The following KIF7 variants were observed in gnomAD, a reference collection of about 807,000 sequenced individuals.
KIF7 encodes the protein kinesin family member 7, also known as kinesin-like protein KIF7.
KIF7 carries 104 observed loss-of-function variants against 135.7 expected under a neutral mutation model. The observed-to-expected ratio is 0.77, with a 90% CI of 0.65 to 0.90. The LOEUF is 0.90. KIF7 is among the 40% of genes least tolerant of loss of function. The pLI is 0.00. For synonymous variants in KIF7, 883 were observed against 809.4 expected, an observed-to-expected ratio of 1.09 and a Z score of -1.54; for missense variants, 2,005 against 1,839.1, an observed-to-expected ratio of 1.09 and a Z score of -1.65.
intron 2 of KIF7, among the ~76,000 whole-genome samples, chr15:89,651,292 G>T (rs911271443): frequency 6.6e-6 from 1 of 152,152 alleles, no homozygotes; most frequent in East Asian, 1.9e-4. Flanking sequence ...TAGAGACAGG[G>T]TTTCACCATG....
chr15:89,637,657 C>G (rs1963836736), intron 11 of KIF7, among the ~76,000 whole-genome samples: 1 of 147,426 alleles, frequency 6.8e-6, no homozygotes, highest in South Asian at 2.2e-4. Context: ...ATAACAGGAG[C>G]TGAAATTGTG....
chr15:89,621,644 G>T, intron 1 of KIF7: 1 of 1,081,906 alleles, frequency 9.2e-7, no homozygotes. Flanking sequence ...AGAGAAAGCA[G>T]GTGACCTCTA....
intron 11 of KIF7, 73 bp downstream of exon 11, chr15:89,642,130 T>C (rs1166806966): frequency 6.7e-7 from 1 of 1,500,614 alleles, no homozygotes; most frequent in African/African-American, 1.4e-5. Flanking sequence ...AGCCCACATG[T>C]CCTGGTCCCA....
chr15:89,636,340 A>C (rs1963807201), intron 11 of KIF7, among the ~76,000 whole-genome samples: 1 of 145,160 alleles, frequency 6.9e-6, no homozygotes, highest in Non-Finnish European at 1.5e-5. Context: ...ATTAACTTTA[A>C]ATGTAAATGG....
In KIF7 at chr15:89,649,146, C is replaced by A; in HGVS notation, c.751G>T (p.Val251Leu). ...GQLLVSKFHFVDLAGSERVLK... is the reference protein window; with the variant it reads ...GQLLVSKFHFLDLAGSERVLK... The stretch of plus-strand genomic sequence containing the variant: ...ACCCTCTCTGAGCCCGCCAGGTCCA[C>A]GAAGTGGAACTTGGAGACGAGCAGC... Residue 251 changes from valine to leucine, a missense_variant, in exon 4 of 19, where the codon GTG becomes TTG. By Grantham distance (32) the Val-to-Leu change is conservative. Transcript: ENST00000394412. The A allele has an allele frequency of 6.5e-7, 1 of 1,548,020 alleles. No individual in the cohort carries two copies. The highest frequency in any genetic ancestry group is 2.4e-5 in the East Asian group (1 of 40,886).
At chr15:89,650,017 G>T in intron 2 of KIF7, 76 bp from the exon 3 acceptor site, 2 of 1,407,526 alleles carry the variant, frequency 1.4e-6, no homozygotes, top group Non-Finnish European at 1.9e-6. Flanking sequence ...AAGCTCATAG[G>T]CCCCTGCCAG....
chr15:89,647,925 T>C (rs1246024737), intron 5 of KIF7, among the ~76,000 whole-genome samples: 2 of 152,228 alleles, frequency 1.3e-5, no homozygotes, highest in African/African-American at 4.8e-5. Context: ...TTATCCATCG[T>C]ATTTGTATTA....
chr15:89,631,145 CAG>C, intron 15 of KIF7: 1 of 305,942 alleles, frequency 3.3e-6, no homozygotes, highest in East Asian at 6.5e-5. Context: ...TCAGGGAACA[CAG>C]ATGTGTGGGC....
At chr15:89,647,801 C>T in intron 5 of KIF7, 89 bp from the exon 6 acceptor site, 1 of 1,035,290 alleles carries the variant, frequency 9.7e-7, no homozygotes, top group Non-Finnish European at 1.4e-6. Flanking sequence ...TGCTTTCTAT[C>T]TACTCTTCCA....
Position 89,648,537 on chromosome 15 carries a change from G to A in KIF7, c.1161C>T (p.Arg387=), listed in dbSNP as rs2142028813. The change falls in exon 5 of 19, where the codon CGC becomes CGT. Residue 387 remains arginine (R), a synonymous_variant. Transcript: ENST00000394412. ...TGGCTGGGCCTGGGGCGCGCCGGCC[G>A]CGGTGGATGATGCGGGTCTCGGAGC... The part of the protein sequence containing the change: ...RHRSETRIIH[R]GRRAPGPATA... 9.6e-6 allele frequency: 12 copies of A among 1,252,264 alleles called. No individual in the cohort carries two copies. The highest frequency in any genetic ancestry group is 1.2e-5 in the Non-Finnish European group (12 of 992,278). 77.6% of individuals were successfully genotyped at this position (1,252,264 alleles called of 1,614,324 possible).
rs560683625 is a variant in KIF7, at chr15:89,630,652, C to A, written c.3112-159G>T. The stretch of plus-strand genomic sequence containing the variant: ...CATCGAGAGAGGTGCCCCCTGCTCA[C>A]TGTCACAGCCCCAACCCCAGGGTGA... On this transcript the variant is annotated intron_variant, in intron 15 of 18. Transcript: ENST00000394412. 1,107 of 692,246 alleles carry A rather than the reference C, an allele frequency of 1.6e-3. 1 individual carries two copies. The highest frequency in any genetic ancestry group is 2.4e-3 in the Non-Finnish European group (946 of 386,842). 42.9% of individuals were successfully genotyped at this position (692,246 alleles called of 1,614,324 possible).
chr15:89,643,456 C>T (rs1421486177), intron 10 of KIF7, among the ~76,000 whole-genome samples: 1 of 152,130 alleles, frequency 6.6e-6, no homozygotes, highest in African/African-American at 2.4e-5. Context: ...TTCACGGGGT[C>T]CTGGAACCAA....
rs534492655 is a variant in KIF7 at position 89,646,965 on chromosome 15, C to T, written c.1653G>A (p.Leu551=). 1.1e-5 allele frequency: 18 copies of T among 1,613,430 alleles called. No individual in the cohort carries two copies. Among genetic ancestry groups the T allele is most frequent in the Admixed American group, 5.0e-5 (3 of 59,990 alleles). ...VRPGWGGPRL[L]NGLPPGSFVP... Reference sequence around the variant, plus strand: ...CAAAGGACCCGGGAGGCAGGCCATTCAGGAGCCGCGGGCCCCCCCAGCCTG... The same window carrying T: ...CAAAGGACCCGGGAGGCAGGCCATTTAGGAGCCGCGGGCCCCCCCAGCCTG... The change falls in exon 7 of 19, where the codon CTG becomes CTA. Residue 551 remains leucine (L), a synonymous_variant. Coordinates refer to ENST00000394412, the MANE Select transcript of KIF7 (RefSeq NM_198525.3).
At chr15:89,645,762 A>G in intron 8 of KIF7, 131 bp downstream of exon 8, 1 of 1,285,276 alleles carries the variant, frequency 7.8e-7, no homozygotes, top group Non-Finnish European at 1.1e-6. Flanking sequence ...TGGCCAGGGC[A>G]ACATGAGGGC....
chr15:89,639,420 A>G (rs1963875379), intron 11 of KIF7, among the ~76,000 whole-genome samples: 1 of 134,978 alleles, frequency 7.4e-6, no homozygotes, highest in African/African-American at 2.9e-5. Flanking sequence ...TCCAGAATCT[A>G]CAATGAACTC....
chr15:89,628,808 C>T lies in KIF7; in HGVS notation c.3665-22G>A, dbSNP rs769354808. ...CCACCTGTCATGGAGAGTAACGTGT[C>T]CTCATCAGAAACAGGTGGCAACACC... is the stretch of plus-strand genomic sequence containing the variant. On this transcript the variant is annotated intron_variant, in intron 18 of 18. Coordinates refer to ENST00000394412, the MANE Select transcript of KIF7 (RefSeq NM_198525.3). 12 of 1,611,624 alleles carry T rather than the reference C, an allele frequency of 7.4e-6. No individual in the cohort carries two copies. The South Asian group carries it at 1.3e-4, about 18-fold the overall frequency.
the KIF7 span, among the ~76,000 whole-genome samples, chr15:89,662,943 G>GT: frequency 6.6e-6 from 1 of 152,246 alleles, no homozygotes; most frequent in East Asian, 1.9e-4. Flanking sequence ...TTCCTGGGCT[G>GT]TCCTATTCCA....
In KIF7 at chr15:89,632,164, G is replaced by A. The variant is rs1018105618; in HGVS notation, c.2896-454C>T. On this transcript the variant is annotated intron_variant, in intron 14 of 18. Coordinates refer to ENST00000394412, the MANE Select transcript of KIF7 (RefSeq NM_198525.3). Reference sequence around the variant, plus strand: ...ATCCTCCTGGACATCAGAGTGATGCGTGCTGGCAGGAGCAAGGCTCCTGGC... The same window carrying A: ...ATCCTCCTGGACATCAGAGTGATGCATGCTGGCAGGAGCAAGGCTCCTGGC... Among the ~76,000 whole-genome samples the A allele has an allele frequency of 4.6e-5, 7 of 152,234 alleles. No homozygotes were observed. In the South Asian group the frequency reaches 8.3e-4, roughly 18 times the overall value.
Position 89,631,499 on chromosome 15 carries a change from G to A in KIF7, c.3107C>T (p.Pro1036Leu), listed in dbSNP as rs778051667. ...AGCCATGGGGCCGCAGGGTACCTCG[G>A]GGGACAGCAGACTCCCCTGCCTCAG... Reference protein sequence around the residue: ...GKLRQGSLLSPEEERTLFQLD... With the variant: ...GKLRQGSLLSLEEERTLFQLD... Residue 1036 changes from proline to leucine, a missense_variant, in exon 15 of 19, where the codon CCC becomes CTC. By Grantham distance (98) the Pro-to-Leu change is moderately conservative. Coordinates refer to ENST00000394412, the MANE Select transcript of KIF7 (RefSeq NM_198525.3). 1 of 1,572,416 alleles carries A rather than the reference G, an allele frequency of 6.4e-7. No homozygotes were observed. Among genetic ancestry groups the A allele is most frequent in the Non-Finnish European group, 8.6e-7 (1 of 1,158,878 alleles).
Sources: gnomAD v4.1 joint callset for allele counts (sites outside exome capture counted in the v4.1 genomes callset) on GRCh38, gnomAD v4.1.1 for gene constraint, MANE v1.5 for transcripts, NCBI Gene and HGNC (gene_info 2026-07-23, HGNC 2026-07-21) for gene names.